Variants in ESRRG observed in about 807,000 individuals in gnomAD.
The protein encoded by ESRRG is estrogen related receptor gamma.
A neutral mutation model predicts 44.0 loss-of-function variants in ESRRG; 13 were observed. The observed-to-expected ratio is 0.30, with a 90% CI of 0.19 to 0.47. ESRRG has a LOEUF of 0.47. Ranked by LOEUF, ESRRG falls within the 20% of genes least tolerant of loss-of-function variation. The pLI is 1.00. For synonymous variants in ESRRG, 215 were observed against 214.6 expected, an observed-to-expected ratio of 1.00 and a Z score of -0.02; for missense variants, 395 against 580.6, an observed-to-expected ratio of 0.68 and a Z score of 3.29.
At chr1:216,645,461 A>C (rs1470785835) in intron 3 of ESRRG, among the ~76,000 whole-genome samples, 1 of 152,158 alleles carries the variant, frequency 6.6e-6, no homozygotes, top group East Asian at 1.9e-4. Flanking sequence ...TGAAGGGTTA[A>C]GAAAGAATAT....
chr1:216,909,934 T>G (rs2060119197), intron 2 of ESRRG, among the ~76,000 whole-genome samples: 1 of 152,054 alleles, frequency 6.6e-6, no homozygotes. Context: ...AACATGAATG[T>G]GATTCAGAAC....
intron 1 of ESRRG, among the ~76,000 whole-genome samples, chr1:217,040,113 A>G (rs1174696856): frequency 6.6e-6 from 1 of 152,228 alleles, no homozygotes; most frequent in Non-Finnish European, 1.5e-5. Context: ...ATCTCACACA[A>G]CATCCCTAAT....
At chr1:217,007,840 AG>A (rs2077974707) in intron 1 of ESRRG, among the ~76,000 whole-genome samples, 1 of 151,078 alleles carries the variant, frequency 6.6e-6, no homozygotes, top group East Asian at 1.9e-4. Context: ...AAGGCAAATA[AG>A]GGGGGAAAAA....
chr1:216,535,817 GT>G (rs1255807155), intron 5 of ESRRG, among the ~76,000 whole-genome samples: 1 of 151,970 alleles, frequency 6.6e-6, no homozygotes, highest in Non-Finnish European at 1.5e-5. Context: ...CTGCCTATCT[GT>G]TTATCTGTCT....
chr1:216,624,966 T>G (rs1259202011), intron 3 of ESRRG, among the ~76,000 whole-genome samples: 1 of 152,190 alleles, frequency 6.6e-6, no homozygotes, highest in East Asian at 1.9e-4. Context: ...TTCTCTGAAA[T>G]AATTGAGTTG....
rs1332797323 is a variant in ESRRG, at chr1:216,519,343, A to G, written c.941T>C (p.Val314Ala). The G allele has an allele frequency of 1.9e-6, 3 of 1,613,762 alleles. No homozygotes were observed. The South Asian group carries it at 3.3e-5, about 18-fold the overall frequency. Residue 314 changes from valine to alanine, a missense_variant, in exon 6 of 7, where the codon GTA becomes GCA. Physicochemically the swap from Val to Ala is moderately conservative, Grantham distance 64. This residue lies in a region of ESRRG where 167 missense variants were observed against 251.8 expected (regional missense o/e 0.66). Coordinates refer to ENST00000408911, the MANE Select transcript of ESRRG (RefSeq NM_001438.4). ...ATCCTCAAACGAAAGAGACCGGTATACGACACCAAGGATCAAAATTTCCAT... is the reference window on the plus strand; with the variant it reads ...ATCCTCAAACGAAAGAGACCGGTATGCGACACCAAGGATCAAAATTTCCAT... The part of the protein sequence containing the change: ...AWMEILILGV[V>A]YRSLSFEDEL...
At chr1:217,087,186 A>C (rs1348922423) in intron 1 of ESRRG, among the ~76,000 whole-genome samples, 5 of 152,208 alleles carry the variant, frequency 3.3e-5, no homozygotes, top group African/African-American at 1.2e-4. Context: ...TCTAGCTGCA[A>C]CTGAAATGTC....
chr1:216,987,924 T>C (rs2075124405), intron 1 of ESRRG, among the ~76,000 whole-genome samples: 1 of 152,146 alleles, frequency 6.6e-6, no homozygotes, highest in Non-Finnish European at 1.5e-5. Context: ...GTGGCATCAC[T>C]CTAAAACTTC....
chr1:217,074,455 A>ACC (rs2091015962), intron 1 of ESRRG, among the ~76,000 whole-genome samples: 4 of 150,858 alleles, frequency 2.7e-5, no homozygotes, highest in African/African-American at 7.4e-5. Flanking sequence ...CCCCCCCCAA[A>ACC]AAAAAAAAAA....
At position 216,673,338 on chromosome 1, in the gene ESRRG, G is replaced by A. The variant is rs184915778; in HGVS notation, c.472+3738C>T. Among the ~76,000 whole-genome samples, 127 of 152,162 alleles carry A rather than the reference G, an allele frequency of 8.3e-4. 1 individual carries two copies. The highest frequency in any genetic ancestry group is 3.0e-3 in the African/African-American group (126 of 41,516). ...CTTTCACAATTTAATCCCTTTATTT[G>A]CCTCACTGCCTTTTTGGGGCTAAGT... On this transcript the variant is annotated intron_variant, in intron 2 of 6. Transcript: ENST00000408911.
chr1:217,001,496 G>A (rs975426400), intron 1 of ESRRG, among the ~76,000 whole-genome samples: 4 of 152,158 alleles, frequency 2.6e-5, no homozygotes, highest in African/African-American at 9.7e-5. Context: ...CACTGTTTTA[G>A]GTTTAAATAG....
intron 1 of ESRRG, among the ~76,000 whole-genome samples, chr1:216,983,314 C>T (rs1324781840): frequency 6.6e-6 from 1 of 151,876 alleles, no homozygotes; most frequent in African/African-American, 2.4e-5. Context: ...TCTCTGCAGC[C>T]TCGATCTCCT....
intron 2 of ESRRG, among the ~76,000 whole-genome samples, chr1:216,782,000 G>C (rs1215809262): frequency 6.6e-6 from 1 of 152,060 alleles, no homozygotes; most frequent in Non-Finnish European, 1.5e-5. Flanking sequence ...ACAAAGAGGA[G>C]ATTTTTAGAG....
intron 3 of ESRRG, among the ~76,000 whole-genome samples, chr1:216,614,807 T>C (rs1201139160): frequency 6.6e-6 from 1 of 152,182 alleles, no homozygotes; most frequent in African/African-American, 2.4e-5. Flanking sequence ...AGCTGGTGCA[T>C]TTAATAAGGA....
chr1:217,060,271 C>G (rs1444650319), intron 1 of ESRRG, among the ~76,000 whole-genome samples: 1 of 152,002 alleles, frequency 6.6e-6, no homozygotes, highest in Non-Finnish European at 1.5e-5. Context: ...GCCATCCAAT[C>G]TCCTACTGAG....
chr1:216,832,298 C>G (rs1238579061), intron 2 of ESRRG, among the ~76,000 whole-genome samples: 3 of 152,130 alleles, frequency 2.0e-5, no homozygotes, highest in African/African-American at 7.2e-5. Context: ...ATATACATTT[C>G]CAGGAATTCC....
intron 1 of ESRRG, among the ~76,000 whole-genome samples, chr1:217,080,081 T>C (rs1186280525): frequency 6.6e-6 from 1 of 152,158 alleles, no homozygotes; most frequent in African/African-American, 2.4e-5. Context: ...AAGATATATA[T>C]AAATATATAT....
At chr1:216,604,740 C>T (rs1235727693) in intron 3 of ESRRG, among the ~76,000 whole-genome samples, 2 of 152,198 alleles carry the variant, frequency 1.3e-5, no homozygotes, top group Admixed American at 6.5e-5. Flanking sequence ...CTAGCATTCA[C>T]GCCCTAACCA....
At chr1:216,720,125 A>C (rs1333405903) in intron 1 of ESRRG, among the ~76,000 whole-genome samples, 3 of 152,104 alleles carry the variant, frequency 2.0e-5, no homozygotes, top group Non-Finnish European at 2.9e-5. Context: ...CATATGTTAC[A>C]TAATACTAGT....
Sources: gnomAD v4.1 joint callset for allele counts (sites outside exome capture counted in the v4.1 genomes callset) on GRCh38, gnomAD v4.1.1 for gene constraint, gnomAD v4.1.1 regional missense constraint, MANE v1.5 for transcripts, NCBI Gene and HGNC (gene_info 2026-07-23, HGNC 2026-07-21) for gene names.